Variants in MAP3K4 observed in about 807,000 individuals in gnomAD.
MAP3K4 encodes the protein MAP three kinase 1.
In MAP3K4, 67 loss-of-function variants were observed where a neutral mutation model predicts 185.6. The ratio of observed to expected loss-of-function variants is 0.36; its 90% CI spans 0.30 to 0.44. MAP3K4 has a LOEUF of 0.44. Ranked by LOEUF, MAP3K4 falls within the 20% of genes least tolerant of loss-of-function variation. MAP3K4 has a pLI of 1.00. For synonymous variants in MAP3K4, 702 were observed against 710.4 expected, an observed-to-expected ratio of 0.99 and a Z score of 0.19; for missense variants, 1,551 against 1,995.1, an observed-to-expected ratio of 0.78 and a Z score of 4.24.
At position 161,076,838 on chromosome 6, in the gene MAP3K4, G is replaced by A. The variant is rs1010211335; in HGVS notation, c.2097+3226G>A. ...ACTGTGTGCCAGGCAGGCACCATGC[G>A]GGGACCAAGGAACTAGTGCCGAGCG... is the stretch of plus-strand genomic sequence containing the variant. On this transcript the variant is annotated intron_variant, in intron 5 of 26. Transcript: ENST00000392142. This position sits in a 1 kb window ranked among gnomAD's most constrained non-coding sequence, Gnocchi z 4.2. Among the ~76,000 whole-genome samples the A allele has an allele frequency of 3.9e-5, 6 of 152,154 alleles. No individual in the cohort carries two copies. Among genetic ancestry groups the A allele is most frequent in the African/African-American group, 1.2e-4 (5 of 41,416 alleles).
chr6:161,039,828 A>G (rs1783364355), intron 2 of MAP3K4, among the ~76,000 whole-genome samples: 1 of 152,236 alleles, frequency 6.6e-6, no homozygotes, highest in Admixed American at 6.5e-5. Context: ...ACTTAGTAAT[A>G]GGTGGAGGCC....
chr6:160,997,839 T>C (rs1430884533), intron 1 of MAP3K4, among the ~76,000 whole-genome samples: 1 of 152,148 alleles, frequency 6.6e-6, no homozygotes, highest in Non-Finnish European at 1.5e-5. Flanking sequence ...ATTAGGATTC[T>C]TTCCTGGGAT....
intron 2 of MAP3K4, among the ~76,000 whole-genome samples, chr6:161,038,290 A>G (rs1240388717): frequency 2.6e-5 from 4 of 152,318 alleles, no homozygotes; most frequent in Admixed American, 2.6e-4. Flanking sequence ...TGGGCTTGGG[A>G]AGACTTCTGG....
At chr6:161,047,307 A>T (rs1030234901) in intron 2 of MAP3K4, among the ~76,000 whole-genome samples, 2 of 149,212 alleles carry the variant, frequency 1.3e-5, no homozygotes, top group African/African-American at 4.9e-5. Context: ...GGGTGTGGTG[A>T]TGCGTGCCTG....
chr6:161,009,121 A>C (rs1462492773), intron 1 of MAP3K4, among the ~76,000 whole-genome samples: 1 of 151,698 alleles, frequency 6.6e-6, no homozygotes, highest in East Asian at 1.9e-4. Flanking sequence ...AGTAGCTGGG[A>C]CTACAGGTGC....
intron 11 of MAP3K4, among the ~76,000 whole-genome samples, chr6:161,090,255 T>C (rs1785961802): frequency 6.6e-6 from 1 of 152,230 alleles, no homozygotes; most frequent in African/African-American, 2.4e-5. Flanking sequence ...GTAAGGGGAT[T>C]GCCTGATGGA....
At chr6:161,059,521 T>C (rs1784396828) in intron 3 of MAP3K4, among the ~76,000 whole-genome samples, 3 of 152,220 alleles carry the variant, frequency 2.0e-5, no homozygotes, top group Admixed American at 2.0e-4. Flanking sequence ...TTTGCTTATT[T>C]ATTTTGCTCA....
intron 1 of MAP3K4, among the ~76,000 whole-genome samples, chr6:161,002,888 G>T (rs1668392378): frequency 6.6e-6 from 1 of 152,106 alleles, no homozygotes; most frequent in Non-Finnish European, 1.5e-5. Context: ...CCCGCACCCG[G>T]CCGGCATATT....
At chr6:161,085,565 A>G (rs1438616939) in intron 7 of MAP3K4, among the ~76,000 whole-genome samples, 1 of 152,202 alleles carries the variant, frequency 6.6e-6, no homozygotes, top group Non-Finnish European at 1.5e-5. Flanking sequence ...TCACCATTCA[A>G]GGTTTGATGA....
chr6:161,049,005 G>C lies in MAP3K4; in HGVS notation c.733G>C (p.Glu245Gln). The change falls in exon 3 of 27, where the codon GAG becomes CAG. Residue 245 changes from glutamate to glutamine, a missense_variant. Glu to Gln is a conservative substitution (Grantham distance 29, BLOSUM62 2). This residue lies in a region of MAP3K4 where 69 missense variants were observed against 124.8 expected (regional missense o/e 0.55). Coordinates refer to ENST00000392142, the MANE Select transcript of MAP3K4 (RefSeq NM_005922.4). This position sits in a 1 kb window ranked among gnomAD's most constrained non-coding sequence, Gnocchi z 8.4. ...CTCAGTCTCAAAGAAAAAAGACAGG[G>C]AGCAAAGAGGACAAGAAAATACGTC... ...LTSVSKKKDR[E>Q]QRGQENTSGF... The C allele has an allele frequency of 6.2e-7, 1 of 1,614,062 alleles. No homozygotes were observed. The highest frequency in any genetic ancestry group is 1.1e-5 in the South Asian group (1 of 91,076).
At chr6:161,050,767 C>T (rs1253698107) in intron 3 of MAP3K4, among the ~76,000 whole-genome samples, 3 of 152,144 alleles carry the variant, frequency 2.0e-5, no homozygotes, top group Non-Finnish European at 4.4e-5. Context: ...AGTGATTTTG[C>T]TTTTCTGGTG....
rs1220916728 is a variant in MAP3K4, at chr6:161,106,768, T to A, written c.4048+63T>A. Reference sequence around the variant, plus strand: ...TGTTAGAAGTAGCAATAGTTATACTTCTTTAGGTTGAATCCTATAGAGTTG... The same window carrying A: ...TGTTAGAAGTAGCAATAGTTATACTACTTTAGGTTGAATCCTATAGAGTTG... On this transcript the variant is annotated intron_variant, in intron 20 of 26. Transcript: ENST00000392142. This position sits in a 1 kb window ranked among gnomAD's most constrained non-coding sequence, Gnocchi z 4.9. 1 of 1,378,922 alleles carries A rather than the reference T, an allele frequency of 7.3e-7. No homozygotes were observed. The highest frequency in any genetic ancestry group is 1.4e-5 in the South Asian group (1 of 71,600). 85.4% of individuals were successfully genotyped at this position (1,378,922 alleles called of 1,614,324 possible).
At chr6:161,019,256 G>A (rs1251691336) in intron 1 of MAP3K4, among the ~76,000 whole-genome samples, 1 of 152,176 alleles carries the variant, frequency 6.6e-6, no homozygotes, top group Non-Finnish European at 1.5e-5. Context: ...TAAATCTCTT[G>A]TTCCTCTATA....
Position 161,097,868 on chromosome 6 carries a change from A to T in MAP3K4, c.3525-410A>T, listed in dbSNP as rs1204275508. The stretch of plus-strand genomic sequence containing the variant: ...TTTAGGAGGACGAGGCGGGAGGATC[A>T]CTTGAGCCCAGGAGAACAGCCTGGG... On this transcript the variant is annotated intron_variant, in intron 16 of 26. Transcript: ENST00000392142. This position sits in a 1 kb window ranked among gnomAD's most constrained non-coding sequence, Gnocchi z 4.9. Among the ~76,000 whole-genome samples, 1 of 151,942 alleles carries T rather than the reference A, an allele frequency of 6.6e-6. No individual in the cohort carries two copies.
Position 161,088,095 on chromosome 6 carries a change from T to A in MAP3K4, c.2823+141T>A. On this transcript the variant is annotated intron_variant, in intron 10 of 26. Coordinates refer to ENST00000392142, the MANE Select transcript of MAP3K4 (RefSeq NM_005922.4). The surrounding 1 kb of genome is among the most constrained non-coding windows in gnomAD (Gnocchi z 4.5). ...TTCCCAAAAATATGCCTCAATGTGTTAATAGGTCATTTTGCAGCATAATTT... is the reference window on the plus strand; with the variant it reads ...TTCCCAAAAATATGCCTCAATGTGTAAATAGGTCATTTTGCAGCATAATTT... 1 of 735,824 alleles carries A rather than the reference T, an allele frequency of 1.4e-6. No individual in the cohort carries two copies. Among genetic ancestry groups the A allele is most frequent in the Non-Finnish European group, 2.1e-6 (1 of 466,678 alleles). 45.6% of individuals were successfully genotyped at this position (735,824 alleles called of 1,614,324 possible).
In MAP3K4 at chr6:161,033,054, GT is replaced by G. The variant is rs574319855; in HGVS notation, c.153-1201del. On this transcript the variant is annotated intron_variant, in intron 1 of 26. Coordinates refer to ENST00000392142, the MANE Select transcript of MAP3K4 (RefSeq NM_005922.4). ...TTCAAAAGGTAATTTATTTTCTGCA[GT>G]TTTGTCAATCTAATTCAGTAATAAT... Among the ~76,000 whole-genome samples, 282 of 152,216 alleles carry G rather than the reference GT, an allele frequency of 1.9e-3. 1 individual carries two copies. Among genetic ancestry groups the G allele is most frequent in the Non-Finnish European group, 2.4e-3 (164 of 68,004 alleles).
Position 161,114,118 on chromosome 6 carries a change from A to T in MAP3K4, c.4627-1005A>T, listed in dbSNP as rs1272179898. On this transcript the variant is annotated intron_variant, in intron 25 of 26. Coordinates refer to ENST00000392142, the MANE Select transcript of MAP3K4 (RefSeq NM_005922.4). This position sits in a 1 kb window ranked among gnomAD's most constrained non-coding sequence, Gnocchi z 4.3. Reference sequence around the variant, plus strand: ...TCTTTTAGAGAGTATATAAAGAAACACACATGTTTTGGACAGAAATTCCAT... The same window carrying T: ...TCTTTTAGAGAGTATATAAAGAAACTCACATGTTTTGGACAGAAATTCCAT... Among the ~76,000 whole-genome samples the T allele has an allele frequency of 1.3e-5, 2 of 152,084 alleles. No homozygotes were observed. Among genetic ancestry groups the T allele is most frequent in the Non-Finnish European group, 2.9e-5 (2 of 68,016 alleles).
rs1387333123 is a variant in MAP3K4, at chr6:161,022,285, C to T, written c.153-11974C>T. 1 of 152,214 alleles carries T rather than the reference C, an allele frequency of 6.6e-6. No homozygotes were observed. The highest frequency in any genetic ancestry group is 1.5e-5 in the Non-Finnish European group (1 of 68,026). 9.4% of individuals were successfully genotyped at this position (152,214 alleles called of 1,614,324 possible). A position where few individuals can be genotyped will look rare whatever the true frequency, so the allele number is the denominator to read the frequency against. On this transcript the variant is annotated intron_variant, in intron 1 of 26. Coordinates refer to ENST00000392142, the MANE Select transcript of MAP3K4 (RefSeq NM_005922.4). This position sits in a 1 kb window ranked among gnomAD's most constrained non-coding sequence, Gnocchi z 4.2. ...GATTTCAGTTAGACCTTTTATTTGACATATACAGATAAATAAACCAGGCAG... is the reference window on the plus strand; with the variant it reads ...GATTTCAGTTAGACCTTTTATTTGATATATACAGATAAATAAACCAGGCAG...
chr6:161,025,794 C>T (rs1402756800), intron 1 of MAP3K4, among the ~76,000 whole-genome samples: 2 of 152,214 alleles, frequency 1.3e-5, no homozygotes, highest in Admixed American at 6.5e-5. Flanking sequence ...AAGTTTTAAA[C>T]GTTTTTCTTG....
Sources: gnomAD v4.1 joint callset for allele counts (sites outside exome capture counted in the v4.1 genomes callset) on GRCh38, gnomAD v4.1.1 for gene constraint, gnomAD v4.1.1 regional missense constraint, Gnocchi (gnomAD v3.1) non-coding constraint, MANE v1.5 for transcripts, NCBI Gene and HGNC (gene_info 2026-07-23, HGNC 2026-07-21) for gene names.